SETX: variants seen among roughly 807,000 people sequenced by gnomAD.
SETX encodes the protein helicase senataxin.
In SETX, 90 loss-of-function variants were observed where a neutral mutation model predicts 227.2. The ratio of observed to expected loss-of-function variants is 0.40; its 90% CI spans 0.33 to 0.47. SETX has a LOEUF of 0.47. SETX is among the 20% of genes least tolerant of loss of function. The pLI is 0.91. For missense variants in SETX, 3,052 were observed against 3,181.5 expected (o/e 0.96, Z 0.98); for synonymous variants, 1,210 against 1,113.2 (o/e 1.09, Z -1.73).
chr9:132,327,939 T>C lies in SETX; in HGVS notation c.3659A>G (p.Gln1220Arg), dbSNP rs951475464. 1.2e-6 allele frequency: 2 copies of C among 1,614,028 alleles called. No homozygotes were observed. Among genetic ancestry groups the C allele is most frequent in the African/African-American group, 2.7e-5 (2 of 74,914 alleles). ...AGTACAAAGCTTTGAAGACTTCTTT[T>C]GTGAAACCGTAGTGGCTCTCTGAAT... ...SRIQRATTVS[Q>R]KKSSKLCTCT... The change falls in exon 10 of 26, where the codon CAA (glutamine) becomes CGA (arginine). Residue 1220 changes from glutamine to arginine, a missense_variant. Coordinates refer to ENST00000224140, the MANE Select transcript of SETX (RefSeq NM_015046.7).
intron 15 of SETX, among the ~76,000 whole-genome samples, chr9:132,292,415 CAAAAAAAA>C (rs60253119): frequency 3.3e-5 from 2 of 61,092 alleles, no homozygotes; most frequent in Admixed American, 1.9e-4. Flanking sequence ...AGCTGGGGTA[CAAAAAAAA>C]AAAAAAAAAA....
chr9:132,300,540 T>G (rs1272803793), intron 12 of SETX, 90 bp downstream of exon 12: 7 of 1,387,708 alleles, frequency 5.0e-6, no homozygotes, highest in Non-Finnish European at 7.1e-6. Context: ...TAAATGTCTA[T>G]CAAATACACT....
chr9:132,321,796 C>T (rs1379529223), intron 10 of SETX, among the ~76,000 whole-genome samples: 6 of 147,874 alleles, frequency 4.1e-5, no homozygotes, highest in African/African-American at 1.2e-4. Context: ...TGCGGTGAGC[C>T]GAGATCGTGC....
chr9:132,335,214 C>T (rs754624348), intron 6 of SETX, among the ~76,000 whole-genome samples: 1 of 151,458 alleles, frequency 6.6e-6, no homozygotes, highest in Non-Finnish European at 1.5e-5. Context: ...CATGGTGAAA[C>T]CCCGTCTCTA....
rs754285464 is a variant in SETX, at chr9:132,328,572, G to A, written c.3026C>T (p.Ser1009Phe). The stretch of plus-strand genomic sequence containing the variant: ...TGAAATAATAATAACCTGTCCACGG[G>A]AGGTATCTCCAACATTATTTTGGTT... ...TANQNNVGDTSRGQVIIISDS... is the reference protein window; with the variant it reads ...TANQNNVGDTFRGQVIIISDS... Residue 1009 changes from serine to phenylalanine, a missense_variant, in exon 10 of 26, where the codon TCC becomes TTC. Ser to Phe is a radical substitution (Grantham distance 155, BLOSUM62 -2). This residue lies in a region of SETX where 1,483 missense variants were observed against 1,312.0 expected (regional missense o/e 1.13). Coordinates refer to ENST00000224140, the MANE Select transcript of SETX (RefSeq NM_015046.7). The A allele has an allele frequency of 3.1e-6, 5 of 1,613,956 alleles. No individual in the cohort carries two copies. The Admixed American group carries it at 5.0e-5, about 16-fold the overall frequency.
rs762175796 is a variant in SETX, at chr9:132,326,331, A to G, written c.5267T>C (p.Phe1756Ser). ...VFFPLMVLNT[F>S]ETVAQEWLNS... The stretch of plus-strand genomic sequence containing the variant: ...AATGAAACACATACTTACTGTTTCA[A>G]AAGTATTCAATACCATCAAAGGGAA... Residue 1756 changes from phenylalanine (F) to serine (S), a missense_variant, in exon 10 of 26, where the codon TTT becomes TCT. By Grantham distance (155) the Phe-to-Ser change is radical. This residue lies in a region of SETX where 239 missense variants were observed against 272.1 expected (regional missense o/e 0.88). Transcript: ENST00000224140. The G allele has an allele frequency of 3.8e-5, 61 of 1,601,900 alleles. No homozygotes were observed. The highest frequency in any genetic ancestry group is 5.1e-5 in the Non-Finnish European group (60 of 1,170,310).
rs562053362 is a variant in SETX, at chr9:132,262,087, C to T, written c.*2152G>A. The T allele has an allele frequency of 2.6e-4, 39 of 152,362 alleles. No individual in the cohort carries two copies. Among genetic ancestry groups the T allele is most frequent in the African/African-American group, 8.9e-4 (37 of 41,562 alleles). 9.4% of individuals were successfully genotyped at this position (152,362 alleles called of 1,614,324 possible). A position where few individuals can be genotyped will look rare whatever the true frequency, so the allele number is the denominator to read the frequency against. On this transcript the variant is annotated 3_prime_UTR_variant, in exon 26 of 26. Transcript: ENST00000224140. ...GAAAGGCCGTCACAGGACACAGGCT[C>T]GTCTGTTAGAAAGGATGATCTAGTT...
chr9:132,342,680 T>G lies in SETX; in HGVS notation c.498+10A>C, dbSNP rs770284529. 3.2e-6 allele frequency: 5 copies of G among 1,562,374 alleles called. No homozygotes were observed. The South Asian group carries it at 4.4e-5, about 14-fold the overall frequency. The stretch of plus-strand genomic sequence containing the variant: ...AATATACCCTTCTATCGCCCAACAC[T>G]CACACTCACCATTTCATTGGGATGG... On this transcript the variant is annotated intron_variant, in intron 5 of 25. Transcript: ENST00000224140.
chr9:132,284,773 A>G (rs1362331662), intron 18 of SETX, among the ~76,000 whole-genome samples: 2 of 151,768 alleles, frequency 1.3e-5, no homozygotes, highest in African/African-American at 2.4e-5. Flanking sequence ...CTCTACTTCT[A>G]TCCAGGTTGG....
In SETX at chr9:132,311,728, T is replaced by C. The variant is rs200585013; in HGVS notation, c.5374+29A>G. 4.9e-5 allele frequency: 69 copies of C among 1,409,824 alleles called. No homozygotes were observed. Among genetic ancestry groups the C allele is most frequent in the Non-Finnish European group, 6.8e-5 (68 of 997,140 alleles). 87.3% of individuals were successfully genotyped at this position (1,409,824 alleles called of 1,614,324 possible). On this transcript the variant is annotated intron_variant, in intron 11 of 25. Transcript: ENST00000224140. ...AGAAATCTCCAATTATTATATCATA[T>C]ATTCCAAGTTGCGTAAGAAAAAACT... is the stretch of plus-strand genomic sequence containing the variant.
At chr9:132,295,290 G>C (rs1844604139) in intron 15 of SETX, among the ~76,000 whole-genome samples, 1 of 152,144 alleles carries the variant, frequency 6.6e-6, no homozygotes, top group Non-Finnish European at 1.5e-5. Context: ...CCAAGTTCAT[G>C]GGATTATTTT....
intron 10 of SETX, among the ~76,000 whole-genome samples, chr9:132,319,035 G>C (rs971537548): frequency 6.6e-6 from 1 of 152,166 alleles, no homozygotes; most frequent in Non-Finnish European, 1.5e-5. Context: ...CCAAAAGAGA[G>C]GGCCATTAGC....
intron 15 of SETX, among the ~76,000 whole-genome samples, chr9:132,294,259 A>T (rs1401364811): frequency 6.6e-6 from 1 of 152,238 alleles, no homozygotes; most frequent in Non-Finnish European, 1.5e-5. Context: ...GAAGATGTAC[A>T]AACTCTTGAA....
intron 17 of SETX, among the ~76,000 whole-genome samples, chr9:132,287,079 T>C (rs1183014412): frequency 6.6e-6 from 1 of 152,198 alleles, no homozygotes; most frequent in African/African-American, 2.4e-5. Context: ...GATCCACCCA[T>C]ACTGAAGCTA....
In SETX at chr9:132,329,961, C is replaced by A; in HGVS notation, c.1637G>T (p.Gly546Val). ...AAGAGACTGCTGCCCAAGCTGATAA[C>A]CTTCTTTAAGGAGACTTCTAATCAG... The part of the protein sequence containing the change: ...VQLIRSLLKE[G>V]YQLGQQSLCK... The change falls in exon 10 of 26, where the codon GGT (glycine) becomes GTT (valine). Residue 546 changes from glycine to valine, a missense_variant. Gly to Val is a moderately radical substitution (Grantham distance 109, BLOSUM62 -3). Coordinates refer to ENST00000224140, the MANE Select transcript of SETX (RefSeq NM_015046.7). The A allele has an allele frequency of 6.2e-7, 1 of 1,614,164 alleles. No homozygotes were observed. The highest frequency in any genetic ancestry group is 1.1e-5 in the South Asian group (1 of 91,076).
intron 11 of SETX, among the ~76,000 whole-genome samples, chr9:132,305,300 G>GCTGAGATTGTGCCACTGCA (rs1845264626): frequency 6.9e-6 from 1 of 145,776 alleles, no homozygotes; most frequent in South Asian, 2.2e-4. Flanking sequence ...CTTGCAGTGA[G>GCTGAGATTGTGCCACTGCA]CTGAGATTGT....
intron 15 of SETX, among the ~76,000 whole-genome samples, chr9:132,293,608 C>A (rs1397681754): frequency 6.6e-6 from 1 of 152,136 alleles, no homozygotes; most frequent in Non-Finnish European, 1.5e-5. Flanking sequence ...TTAGTAGGGA[C>A]AGAGTTTCAC....
At chr9:132,307,648 C>A (rs1183833686) in intron 11 of SETX, among the ~76,000 whole-genome samples, 1 of 151,564 alleles carries the variant, frequency 6.6e-6, no homozygotes, top group Non-Finnish European at 1.5e-5. Flanking sequence ...CTTTTTTAAG[C>A]TTACCAGTCA....
chr9:132,267,208 A>G (rs1054064839), intron 25 of SETX, among the ~76,000 whole-genome samples: 3 of 152,214 alleles, frequency 2.0e-5, no homozygotes, highest in African/African-American at 7.2e-5. Flanking sequence ...GGTTTGGAGA[A>G]AGTCATGTGA....
Sources: gnomAD v4.1 joint callset for allele counts (sites outside exome capture counted in the v4.1 genomes callset) on GRCh38, gnomAD v4.1.1 for gene constraint, gnomAD v4.1.1 regional missense constraint, MANE v1.5 for transcripts, NCBI Gene and HGNC (gene_info 2026-07-23, HGNC 2026-07-21) for gene names.